The following STAM variants were observed in gnomAD, a reference collection of about 807,000 sequenced individuals.
STAM encodes the protein signal transducing adaptor molecule.
Under a neutral mutation model 63.4 loss-of-function variants are expected in STAM, and 16 were observed. The ratio of observed to expected loss-of-function variants is 0.25; its 90% CI spans 0.17 to 0.38. STAM has a LOEUF of 0.38. Among genes scored for constraint, STAM ranks in the 10% least tolerant of loss-of-function variants. The pLI is 1.00. For missense variants in STAM, 636 were observed against 657.1 expected (o/e 0.97, Z 0.35); for synonymous variants, 238 against 223.9 (o/e 1.06, Z -0.56).
At chr10:17,645,810 C>T (rs1237653676) in intron 1 of STAM, among the ~76,000 whole-genome samples, 1 of 152,174 alleles carries the variant, frequency 6.6e-6, no homozygotes, top group Non-Finnish European at 1.5e-5. Context: ...TTGCTGTTCT[C>T]AAGCAGTTTT....
At chr10:17,662,053 C>G (rs899882001) in intron 2 of STAM, among the ~76,000 whole-genome samples, 1 of 152,138 alleles carries the variant, frequency 6.6e-6, no homozygotes, top group Non-Finnish European at 1.5e-5. Context: ...CTTACCTTGC[C>G]TAGGCTAGCG....
intron 13 of STAM, among the ~76,000 whole-genome samples, chr10:17,712,321 C>T (rs757003983): frequency 5.3e-5 from 8 of 152,130 alleles, no homozygotes; most frequent in African/African-American, 9.7e-5. Context: ...CAGAACCCAG[C>T]GCATAGACTC....
intron 2 of STAM, among the ~76,000 whole-genome samples, chr10:17,666,047 G>T (rs1834361397): frequency 6.6e-6 from 1 of 152,220 alleles, no homozygotes; most frequent in South Asian, 2.1e-4. Context: ...AGTGTTGATT[G>T]ATTTGTTTAT....
Position 17,706,834 on chromosome 10 carries a change from G to C in STAM, c.1209+1093G>C, listed in dbSNP as rs543721357. ...AAACACAAAATGCTTTTAGAGCTAA[G>C]AAAACTCTCTTAAATATCTAATGAA... On this transcript the variant is annotated intron_variant, in intron 12 of 13. Coordinates refer to ENST00000377524, the MANE Select transcript of STAM (RefSeq NM_003473.4). Among the ~76,000 whole-genome samples, 3 of 151,916 alleles carry C rather than the reference G, an allele frequency of 2.0e-5. No individual in the cohort carries two copies. The East Asian group carries it at 5.8e-4, about 29-fold the overall frequency.
intron 7 of STAM, 34 bp from the exon 8 acceptor site, chr10:17,696,741 G>A: frequency 7.0e-7 from 1 of 1,425,962 alleles, no homozygotes; most frequent in Non-Finnish European, 9.9e-7. Flanking sequence ...AAATACATTT[G>A]TTATGGTAAA....
intron 2 of STAM, among the ~76,000 whole-genome samples, chr10:17,681,097 A>G (rs571860317): frequency 6.6e-6 from 1 of 152,134 alleles, no homozygotes; most frequent in East Asian, 1.9e-4. Flanking sequence ...AACAGTGCAC[A>G]AGTGTTTCAA....
At chr10:17,701,395 A>G (rs1370213777) in intron 9 of STAM, among the ~76,000 whole-genome samples, 1 of 152,208 alleles carries the variant, frequency 6.6e-6, no homozygotes, top group Non-Finnish European at 1.5e-5. Flanking sequence ...ACCATTAAGG[A>G]TTTTTGAAGT....
rs1429571337 is a variant in STAM at position 17,644,296 on chromosome 10, C to T, written c.-44C>T. The T allele has an allele frequency of 6.2e-7, 1 of 1,611,156 alleles. No homozygotes were observed. Among genetic ancestry groups the T allele is most frequent in the African/African-American group, 1.3e-5 (1 of 74,864 alleles). On this transcript the variant is annotated 5_prime_UTR_variant, in exon 1 of 14. Coordinates refer to ENST00000377524, the MANE Select transcript of STAM (RefSeq NM_003473.4). ...CCTACGTCGAGCTCTGACTCCCGTG[C>T]TGTCGAGAGGGAGTCCCCGGGGACA... is the stretch of plus-strand genomic sequence containing the variant.
intron 12 of STAM, among the ~76,000 whole-genome samples, 186 bp downstream of exon 12, chr10:17,705,927 C>T (rs1554829199): frequency 6.6e-6 from 1 of 151,108 alleles, no homozygotes; most frequent in South Asian, 2.1e-4. Context: ...AAAAAATTAG[C>T]CAGGCTGGGG....
intron 2 of STAM, among the ~76,000 whole-genome samples, chr10:17,677,138 G>A (rs1834890001): frequency 6.6e-6 from 1 of 152,108 alleles, no homozygotes; most frequent in African/African-American, 2.4e-5. Flanking sequence ...TGGTTCAGTA[G>A]CCAATTTTAT....
At chr10:17,673,205 G>A (rs1287782400) in intron 2 of STAM, 21 of 180,056 alleles carry the variant, frequency 1.2e-4, no homozygotes, top group Non-Finnish European at 2.0e-4. Context: ...GTTCCTCCCA[G>A]CACTACTTAT....
chr10:17,673,938 A>G (rs562002201), intron 2 of STAM, among the ~76,000 whole-genome samples: 59 of 152,300 alleles, frequency 3.9e-4, no homozygotes, highest in Middle Eastern at 3.4e-3. Context: ...TAAGTTCCTC[A>G]GTTTAAGAGA....
At position 17,644,274 on chromosome 10, in the gene STAM, A is replaced by T; in HGVS notation, c.-66A>T. ...TTTTGCCTGAGGAGTCTTCCATCCT[A>T]CGTCGAGCTCTGACTCCCGTGCTGT... On this transcript the variant is annotated 5_prime_UTR_variant, in exon 1 of 14. Transcript: ENST00000377524. The T allele has an allele frequency of 6.4e-7, 1 of 1,574,734 alleles. No individual in the cohort carries two copies. Among genetic ancestry groups the T allele is most frequent in the Non-Finnish European group, 8.7e-7 (1 of 1,145,062 alleles).
At chr10:17,686,805 G>T (rs1484900131) in intron 4 of STAM, among the ~76,000 whole-genome samples, 4 of 152,102 alleles carry the variant, frequency 2.6e-5, no homozygotes, top group Non-Finnish European at 4.4e-5. Flanking sequence ...CACTTAGAAA[G>T]AATTTTTTTT....
intron 2 of STAM, among the ~76,000 whole-genome samples, 164 bp downstream of exon 2, chr10:17,660,712 A>G (rs1834133208): frequency 6.6e-6 from 1 of 152,172 alleles, no homozygotes; most frequent in Non-Finnish European, 1.5e-5. Flanking sequence ...GATTACACCC[A>G]TGAACAGCCA....
chr10:17,695,778 T>C (rs1489115639), intron 7 of STAM: 2 of 152,290 alleles, frequency 1.3e-5, no homozygotes, highest in African/African-American at 4.8e-5. Flanking sequence ...TATTAAAATT[T>C]GCAGGTGTTT....
At chr10:17,692,743 G>A (rs1056045394) in intron 5 of STAM, among the ~76,000 whole-genome samples, 7 of 151,998 alleles carry the variant, frequency 4.6e-5, no homozygotes, top group Admixed American at 1.3e-4. Context: ...CATTTATATC[G>A]TTTTATATAT....
intron 2 of STAM, among the ~76,000 whole-genome samples, chr10:17,664,980 T>C (rs1834318461): frequency 6.6e-6 from 1 of 152,170 alleles, no homozygotes; most frequent in Non-Finnish European, 1.5e-5. Flanking sequence ...ATAAATAAAA[T>C]GAAATAATTC....
chr10:17,706,369 CTTTTTTTTTT>C (rs59585445), intron 12 of STAM, among the ~76,000 whole-genome samples: 2 of 70,202 alleles, frequency 2.8e-5, no homozygotes, highest in African/African-American at 6.2e-5. Context: ...GGTTGAGGCC[CTTTTTTTTTT>C]TTTTTTTTTT....
Sources: gnomAD v4.1 joint callset for allele counts (sites outside exome capture counted in the v4.1 genomes callset) on GRCh38, gnomAD v4.1.1 for gene constraint, MANE v1.5 for transcripts, NCBI Gene and HGNC (gene_info 2026-07-23, HGNC 2026-07-21) for gene names.